Variants in RESF1 observed in about 807,000 individuals in gnomAD.
RESF1 encodes the protein gonad expressed transcript.
A neutral mutation model predicts 134.7 loss-of-function variants in RESF1; 65 were observed. That is an observed-to-expected ratio of 0.48 (90% confidence interval 0.40 to 0.59). The LOEUF is 0.59. RESF1 is among the 20% of genes least tolerant of loss of function. The pLI, the probability that RESF1 is intolerant of heterozygous loss-of-function variation, is 0.00. For missense variants in RESF1, 2,274 were observed against 2,002.7 expected, an observed-to-expected ratio of 1.14 and a Z score of -2.59; for synonymous variants, 762 against 702.2, an observed-to-expected ratio of 1.09 and a Z score of -1.35.
At chr12:31,963,175 C>T (rs556547460) in intron 2 of RESF1, among the ~76,000 whole-genome samples, 12 of 152,128 alleles carry the variant, frequency 7.9e-5, no homozygotes, top group Non-Finnish European at 1.5e-4. Context: ...ACCACCCTGG[C>T]TAACAGGTGA....
rs1412968316 is a variant in RESF1, at chr12:31,988,776, C to G, written c.5086+1454C>G. On this transcript the variant is annotated intron_variant, in intron 5 of 5. Transcript: ENST00000312561. ...CACGATCTCGGCCTTGCTGCAACCT[C>G]TGCATTCCAGGTTCAAGCAATTCTT... is the stretch of plus-strand genomic sequence containing the variant. 2.6e-5 allele frequency among the ~76,000 whole-genome samples: 4 copies of G among 152,188 alleles called. No individual in the cohort carries two copies. The South Asian group carries it at 6.2e-4, about 24-fold the overall frequency.
At chr12:31,965,874 A>T (rs1190847262) in intron 2 of RESF1, among the ~76,000 whole-genome samples, 1 of 140,554 alleles carries the variant, frequency 7.1e-6, no homozygotes, top group Non-Finnish European at 1.5e-5. Flanking sequence ...CTGGTGACAG[A>T]GCGAGACTTC....
At chr12:31,980,838 G>A in intron 3 of RESF1, 40 bp from the exon 4 acceptor site, 3 of 774,502 alleles carry the variant, frequency 3.9e-6, no homozygotes, top group Middle Eastern at 3.1e-4. Flanking sequence ...TTCTATCTAG[G>A]CAAAACAGCA....
At chr12:31,970,010 T>C in intron 2 of RESF1, among the ~76,000 whole-genome samples, 179 bp from the exon 3 acceptor site, 1 of 152,252 alleles carries the variant, frequency 6.6e-6, no homozygotes. Context: ...TTTTTTGCTT[T>C]ATAATTTTCT....
At chr12:31,968,728 G>A (rs374209651) in intron 2 of RESF1, among the ~76,000 whole-genome samples, 1 of 152,310 alleles carries the variant, frequency 6.6e-6, no homozygotes, top group Admixed American at 6.5e-5. Context: ...GATTACAGGC[G>A]TGAGCCACCG....
intron 5 of RESF1, among the ~76,000 whole-genome samples, chr12:31,989,513 G>T (rs919528351): frequency 4.0e-5 from 6 of 151,882 alleles, no homozygotes; most frequent in African/African-American, 1.5e-4. Context: ...ATTGACAACG[G>T]TTGTGAAGAG....
rs767171915 is a variant in RESF1 at position 31,983,241 on chromosome 12, A to G, written c.2286A>G (p.Val762=). The change falls in exon 4 of 6, where the codon GTA becomes GTG. Residue 762 remains valine (V), a synonymous_variant. Transcript: ENST00000312561. The part of the protein sequence containing the change: ...ITKGTELQIA[V]VSPLVLSEVK... ...AGGGAACAGAACTTCAGATAGCTGT[A>G]GTGTCACCGTTAGTTCTGTCAGAGG... 3 of 1,611,482 alleles carry G rather than the reference A, an allele frequency of 1.9e-6. No homozygotes were observed. Among genetic ancestry groups the G allele is most frequent in the East Asian group, 2.2e-5 (1 of 44,866 alleles).
chr12:31,990,586 G>A (rs1029844921), intron 5 of RESF1, among the ~76,000 whole-genome samples: 1 of 151,968 alleles, frequency 6.6e-6, no homozygotes, highest in Non-Finnish European at 1.5e-5. Context: ...CCTGAGTAGC[G>A]TGAACCACCT....
intron 2 of RESF1, among the ~76,000 whole-genome samples, chr12:31,964,468 CTTTT>C (rs970822583): frequency 3.9e-5 from 6 of 152,212 alleles, no homozygotes; most frequent in African/African-American, 1.4e-4. Context: ...TGATCTCATT[CTTTT>C]TTTATGGCTG....
At chr12:31,967,720 G>A (rs968484982) in intron 2 of RESF1, among the ~76,000 whole-genome samples, 3 of 147,210 alleles carry the variant, frequency 2.0e-5, no homozygotes, top group Non-Finnish European at 4.4e-5. Context: ...TCATGATCAC[G>A]TGGCTGACTG....
chr12:31,983,725 C>A lies in RESF1; in HGVS notation c.2770C>A (p.Gln924Lys). ...TCTTCCCTTGAAAATGGTTGAGCCA[C>A]AGAAACCTTCTCTACCCAATCAGCA... is the stretch of plus-strand genomic sequence containing the variant. ...SSLPLKMVEP[Q>K]KPSLPNQQGI... The change falls in exon 4 of 6, where the codon CAG becomes AAG. Residue 924 changes from glutamine (Q) to lysine (K), a missense_variant. Coordinates refer to ENST00000312561, the MANE Select transcript of RESF1 (RefSeq NM_018169.4). 1 of 1,613,850 alleles carries A rather than the reference C, an allele frequency of 6.2e-7. No homozygotes were observed. Among genetic ancestry groups the A allele is most frequent in the Non-Finnish European group, 8.5e-7 (1 of 1,180,010 alleles).
intron 5 of RESF1, among the ~76,000 whole-genome samples, chr12:31,989,326 G>A (rs1187188612): frequency 6.7e-6 from 1 of 150,198 alleles, no homozygotes. Flanking sequence ...AACCCAGGAG[G>A]CGGAGCTTGC....
chr12:31,984,379 G>A lies in RESF1; in HGVS notation c.3424G>A (p.Glu1142Lys). 1 of 1,614,122 alleles carries A rather than the reference G, an allele frequency of 6.2e-7. No homozygotes were observed. Among genetic ancestry groups the A allele is most frequent in the Admixed American group, 1.7e-5 (1 of 60,028 alleles). Residue 1142 changes from glutamate (E) to lysine (K), a missense_variant, in exon 4 of 6, where the codon GAA becomes AAA. Coordinates refer to ENST00000312561, the MANE Select transcript of RESF1 (RefSeq NM_018169.4). ...ACCTCAGAAAGAAGAGCCCATCACA[G>A]AAGTAGTTAGCCAGTGTGACCTGCA... is the stretch of plus-strand genomic sequence containing the variant. ...AEPQKEEPIT[E>K]VVSQCDLQAP...
intron 3 of RESF1, among the ~76,000 whole-genome samples, chr12:31,978,536 G>A (rs55802225): frequency 6.7e-6 from 1 of 150,120 alleles, no homozygotes; most frequent in Non-Finnish European, 1.5e-5. Context: ...GGTATTTGGG[G>A]TTTTTTTTTG....
chr12:31,963,747 G>A (rs1180066186), intron 2 of RESF1, among the ~76,000 whole-genome samples: 1 of 152,056 alleles, frequency 6.6e-6, no homozygotes, highest in East Asian at 1.9e-4. Context: ...CCTTTCCCTA[G>A]GTAACCATTA....
chr12:31,968,145 G>T (rs1332711557), intron 2 of RESF1, among the ~76,000 whole-genome samples: 1 of 152,128 alleles, frequency 6.6e-6, no homozygotes, highest in Non-Finnish European at 1.5e-5. Context: ...ATGAAAAATA[G>T]ACTTTACTCA....
At chr12:31,973,543 G>A (rs1939561653) in intron 3 of RESF1, among the ~76,000 whole-genome samples, 1 of 152,078 alleles carries the variant, frequency 6.6e-6, no homozygotes, top group Non-Finnish European at 1.5e-5. Context: ...TTGTTCAAGG[G>A]TCGATTGTAT....
intron 4 of RESF1, among the ~76,000 whole-genome samples, chr12:31,986,493 G>GTAA (rs1392239954): frequency 6.6e-6 from 1 of 152,158 alleles, no homozygotes; most frequent in East Asian, 1.9e-4. Context: ...ATTTAAAATG[G>GTAA]TAACATCTAG....
At chr12:31,967,284 A>G (rs904407731) in intron 2 of RESF1, among the ~76,000 whole-genome samples, 2 of 152,192 alleles carry the variant, frequency 1.3e-5, no homozygotes, top group Non-Finnish European at 2.9e-5. Flanking sequence ...TGCCCCTTCT[A>G]ACCACTGTGC....
Sources: gnomAD v4.1 joint callset for allele counts (sites outside exome capture counted in the v4.1 genomes callset) on GRCh38, gnomAD v4.1.1 for gene constraint, MANE v1.5 for transcripts, NCBI Gene and HGNC (gene_info 2026-07-23, HGNC 2026-07-21) for gene names.